SNX29: variants seen among roughly 807,000 people sequenced by gnomAD.
SNX29 encodes the protein sorting nexin 29.
In SNX29, 78 loss-of-function variants were observed where a neutral mutation model predicts 102.1. The ratio of observed to expected loss-of-function variants is 0.76; its 90% CI spans 0.64 to 0.92. SNX29 has a LOEUF of 0.92. Ranked by LOEUF, SNX29 falls within the 40% of genes least tolerant of loss-of-function variation. SNX29 has a pLI of 0.00. For missense variants in SNX29, 1,280 were observed against 1,061.7 expected, an observed-to-expected ratio of 1.21 and a Z score of -2.86; for synonymous variants, 580 against 414.5, an observed-to-expected ratio of 1.40 and a Z score of -4.85.
At chr16:12,310,628 G>A (rs2080508176) in intron 15 of SNX29, among the ~76,000 whole-genome samples, 1 of 152,216 alleles carries the variant, frequency 6.6e-6, no homozygotes, top group African/African-American at 2.4e-5. Flanking sequence ...GGCGTCTGGC[G>A]ACGGGATGGG....
At chr16:12,409,307 C>A (rs565690607) in intron 18 of SNX29, among the ~76,000 whole-genome samples, 1 of 152,120 alleles carries the variant, frequency 6.6e-6, no homozygotes, top group African/African-American at 2.4e-5. Context: ...TTTTCTGGCA[C>A]TTCCATATGA....
rs149164829 is a variant in SNX29, at chr16:12,376,487, A to G, written c.1899+20208A>G. 1.8e-3 allele frequency among the ~76,000 whole-genome samples: 269 copies of G among 152,080 alleles called. 1 individual carries two copies. The highest frequency in any genetic ancestry group is 6.1e-3 in the African/African-American group (254 of 41,482). On this transcript the variant is annotated intron_variant, in intron 16 of 20. Coordinates refer to ENST00000566228, the MANE Select transcript of SNX29 (RefSeq NM_032167.5). ...ATGGTGGCTCATACCTGTAATCTCAACACTTTGGGAGGCCGAGGCAGGTGG... is the reference window on the plus strand; with the variant it reads ...ATGGTGGCTCATACCTGTAATCTCAGCACTTTGGGAGGCCGAGGCAGGTGG...
intron 9 of SNX29, among the ~76,000 whole-genome samples, chr16:12,064,644 G>C (rs1214614440): frequency 2.6e-5 from 4 of 152,232 alleles, no homozygotes; most frequent in African/African-American, 7.2e-5. Context: ...CAGGATGTTG[G>C]ACTCAGAGCC....
intron 20 of SNX29, among the ~76,000 whole-genome samples, chr16:12,542,894 G>C (rs1021483916): frequency 1.3e-5 from 2 of 152,072 alleles, no homozygotes; most frequent in Admixed American, 6.6e-5. Context: ...CCAGAAACAT[G>C]ATTTGAGTAG....
At chr16:12,349,757 A>G (rs1039466599) in intron 15 of SNX29, among the ~76,000 whole-genome samples, 2 of 152,134 alleles carry the variant, frequency 1.3e-5, no homozygotes, top group Non-Finnish European at 2.9e-5. Flanking sequence ...AATTTTATCC[A>G]AATGTGTCTG....
At chr16:12,135,506 T>C (rs1336238772) in intron 13 of SNX29, 1 of 1,317,242 alleles carries the variant, frequency 7.6e-7, no homozygotes, top group Admixed American at 2.3e-5. Flanking sequence ...ACTGCATTCT[T>C]GAGAGGATGG....
intron 19 of SNX29, among the ~76,000 whole-genome samples, chr16:12,484,996 A>G (rs1466324556): frequency 6.6e-6 from 1 of 152,258 alleles, no homozygotes; most frequent in Non-Finnish European, 1.5e-5. Context: ...CACGGTCTAA[A>G]TTAATGAACA....
At chr16:12,253,101 C>G (rs892680134) in intron 14 of SNX29, among the ~76,000 whole-genome samples, 1 of 152,106 alleles carries the variant, frequency 6.6e-6, no homozygotes, top group Non-Finnish European at 1.5e-5. Context: ...GGTTCATTCA[C>G]GAGCTGTTCC....
chr16:12,117,345 A>G (rs2053773724), intron 11 of SNX29, among the ~76,000 whole-genome samples: 1 of 145,268 alleles, frequency 6.9e-6, no homozygotes, highest in Non-Finnish European at 1.5e-5. Flanking sequence ...AACCGTGGAA[A>G]CAGGCGTGGT....
intron 9 of SNX29, 110 bp from the exon 10 acceptor site, chr16:12,068,947 C>A (rs2051164454): frequency 3.0e-6 from 3 of 999,096 alleles, no homozygotes; most frequent in African/African-American, 1.6e-5. Context: ...AGAAAAATTT[C>A]TTAGTCAAGT....
intron 1 of SNX29, among the ~76,000 whole-genome samples, chr16:11,995,513 G>C (rs943342691): frequency 6.6e-6 from 1 of 151,920 alleles, no homozygotes; most frequent in Non-Finnish European, 1.5e-5. Context: ...GCACAATCTC[G>C]GGTAGTTTTT....
At chr16:12,554,972 G>GGGGGGGT (rs1457202578) in intron 20 of SNX29, among the ~76,000 whole-genome samples, 37 of 151,112 alleles carry the variant, frequency 2.4e-4, no homozygotes, top group African/African-American at 8.6e-4. Flanking sequence ...TGGTGAGGGG[G>GGGGGGGT]GTCAGTCAGC....
intron 13 of SNX29, among the ~76,000 whole-genome samples, chr16:12,134,655 G>T (rs1427193330): frequency 6.6e-6 from 1 of 152,188 alleles, no homozygotes; most frequent in African/African-American, 2.4e-5. Flanking sequence ...GATTGCTTCT[G>T]CTATATTCTG....
chr16:12,527,756 T>A (rs1405238932), intron 20 of SNX29, among the ~76,000 whole-genome samples: 2 of 152,156 alleles, frequency 1.3e-5, no homozygotes, highest in Non-Finnish European at 2.9e-5. Context: ...GGACTGAGCC[T>A]GATTCTCCAA....
chr16:12,277,941 C>G lies in SNX29; in HGVS notation c.1687C>G (p.Leu563Val), dbSNP rs572156784. The G allele has an allele frequency of 2.1e-5, 34 of 1,606,680 alleles. 1 individual carries two copies. In the South Asian group the frequency reaches 3.8e-4, roughly 18 times the overall value. Residue 563 changes from leucine to valine, a missense_variant, in exon 15 of 21, where the codon CTT becomes GTT. Leu to Val is a conservative substitution (Grantham distance 32, BLOSUM62 1). Transcript: ENST00000566228. ...TCTCTCTTTCTCTAAAGTGCCAAAT[C>G]TTTGGAGTGTTGATGGAGAAGTTAC... The part of the protein sequence containing the change: ...REGQTAEVPN[L>V]WSVDGEVTVA...
At chr16:12,079,043 G>A in intron 11 of SNX29, 128 bp downstream of exon 11, 1 of 780,060 alleles carries the variant, frequency 1.3e-6, no homozygotes, top group South Asian at 1.8e-5. Flanking sequence ...CCTGGTTGTA[G>A]ACTGGAGGTG....
At chr16:12,113,814 G>A (rs1454720394) in intron 11 of SNX29, among the ~76,000 whole-genome samples, 1 of 152,248 alleles carries the variant, frequency 6.6e-6, no homozygotes, top group East Asian at 1.9e-4. Flanking sequence ...GACAGGAACA[G>A]ATGACGAGGA....
chr16:12,281,421 A>G (rs1471416108), intron 15 of SNX29, among the ~76,000 whole-genome samples: 5 of 152,234 alleles, frequency 3.3e-5, no homozygotes, highest in South Asian at 2.1e-4. Context: ...AGTCGGTGCC[A>G]TAAAGCCCTC....
intron 11 of SNX29, among the ~76,000 whole-genome samples, chr16:12,082,424 C>G (rs1043289141): frequency 1.3e-5 from 2 of 152,186 alleles, no homozygotes; most frequent in African/African-American, 4.8e-5. Context: ...GTGTCTGGGC[C>G]TTCCTCAGCC....
Sources: gnomAD v4.1 joint callset for allele counts (sites outside exome capture counted in the v4.1 genomes callset) on GRCh38, gnomAD v4.1.1 for gene constraint, MANE v1.5 for transcripts, NCBI Gene and HGNC (gene_info 2026-07-23, HGNC 2026-07-21) for gene names.